EPB41L4B: variants seen among roughly 807,000 people sequenced by gnomAD.
The protein encoded by EPB41L4B is erythrocyte membrane protein band 4.1 like 4B.
Under a neutral mutation model 112.5 loss-of-function variants are expected in EPB41L4B, and 30 were observed. That is an observed-to-expected ratio of 0.27 (90% CI 0.20 to 0.36). The LOEUF is 0.36. Ranked by LOEUF, EPB41L4B falls within the 10% of genes least tolerant of loss-of-function variation. The pLI, the probability that EPB41L4B is intolerant of heterozygous loss-of-function variation, is 1.00. For missense variants in EPB41L4B, 1,024 were observed against 1,133.3 expected (o/e 0.90, Z 1.38); for synonymous variants, 408 against 439.7 (o/e 0.93, Z 0.90).
intron 1 of EPB41L4B, among the ~76,000 whole-genome samples, chr9:109,282,946 T>C (rs1258301379): frequency 6.6e-6 from 1 of 151,412 alleles, no homozygotes; most frequent in Non-Finnish European, 1.5e-5. Flanking sequence ...CGTCCCAAAG[T>C]GCTGGGATTA....
At chr9:109,304,403 C>T (rs1008592416) in intron 1 of EPB41L4B, among the ~76,000 whole-genome samples, 23 of 152,152 alleles carry the variant, frequency 1.5e-4, no homozygotes, top group African/African-American at 3.9e-4. Context: ...GAGCTTTAAG[C>T]GCACAATCAA....
intron 1 of EPB41L4B, among the ~76,000 whole-genome samples, chr9:109,312,522 G>A (rs948403460): frequency 2.6e-5 from 4 of 151,824 alleles, no homozygotes; most frequent in African/African-American, 4.8e-5. Context: ...CACCCCCCTC[G>A]CCCAGCTGTG....
At chr9:109,261,722 G>A (rs776571931) in intron 6 of EPB41L4B, among the ~76,000 whole-genome samples, 1 of 152,158 alleles carries the variant, frequency 6.6e-6, no homozygotes, top group Non-Finnish European at 1.5e-5. Flanking sequence ...GTGGGTGGTA[G>A]GACAGTGGGT....
intron 1 of EPB41L4B, among the ~76,000 whole-genome samples, chr9:109,305,476 G>A (rs1242033943): frequency 6.6e-6 from 1 of 151,872 alleles, no homozygotes; most frequent in Non-Finnish European, 1.5e-5. Flanking sequence ...AAATTAGCTG[G>A]GTGTGGTGGC....
intron 15 of EPB41L4B, among the ~76,000 whole-genome samples, chr9:109,224,006 G>A (rs1226806086): frequency 4.6e-5 from 7 of 151,772 alleles, no homozygotes; most frequent in African/African-American, 4.8e-5. Context: ...GTGACAGAAG[G>A]AGCCTTTATC....
chr9:109,243,672 T>C lies in EPB41L4B; in HGVS notation c.1355A>G (p.His452Arg). Residue 452 changes from histidine to arginine, a missense_variant, in exon 15 of 26, where the codon CAT (histidine) becomes CGT (arginine). Coordinates refer to ENST00000374566, the MANE Select transcript of EPB41L4B (RefSeq NM_019114.5). ...GGGCTGGCTGGGATGGATATTAGGA[T>C]GATATTGAGGCTAGAAATAAAACAC... The part of the protein sequence containing the change: ...PEVHNYQPQY[H>R]PNIHPSQPRW... 3 of 1,614,144 alleles carry C rather than the reference T, an allele frequency of 1.9e-6. No individual in the cohort carries two copies. Among genetic ancestry groups the C allele is most frequent in the East Asian group, 2.2e-5 (1 of 44,888 alleles).
chr9:109,226,607 C>CATATATATATAT (rs3081622), intron 15 of EPB41L4B, among the ~76,000 whole-genome samples: 29 of 90,826 alleles, frequency 3.2e-4, no homozygotes, highest in African/African-American at 1.1e-3. Flanking sequence ...TTGGATTTTT[C>CATATATATATAT]ATATATATAT....
chr9:109,207,475 G>A (rs770638773), intron 18 of EPB41L4B, among the ~76,000 whole-genome samples: 3 of 152,194 alleles, frequency 2.0e-5, no homozygotes, highest in Non-Finnish European at 4.4e-5. Flanking sequence ...GGGAGGCTGA[G>A]GCAGGAGGAT....
At position 109,251,463 on chromosome 9, in the gene EPB41L4B, G is replaced by T; in HGVS notation, c.1310+18C>A. ...CCTTAGAGAGGAGAGCTGTGCTCTA[G>T]AGCTCAAGGACACTCACCAGAGCTG... On this transcript the variant is annotated intron_variant, in intron 13 of 25. Coordinates refer to ENST00000374566, the MANE Select transcript of EPB41L4B (RefSeq NM_019114.5). The T allele has an allele frequency of 1.2e-6, 2 of 1,611,504 alleles. No individual in the cohort carries two copies. Among genetic ancestry groups the T allele is most frequent in the East Asian group, 2.2e-5 (1 of 44,884 alleles).
intron 1 of EPB41L4B, among the ~76,000 whole-genome samples, chr9:109,284,541 T>C (rs1836195652): frequency 6.6e-6 from 1 of 152,158 alleles, no homozygotes; most frequent in Non-Finnish European, 1.5e-5. Context: ...GCCTCCCCAG[T>C]AGCTAGGATT....
chr9:109,287,620 C>G (rs1253935107), intron 1 of EPB41L4B, among the ~76,000 whole-genome samples: 1 of 152,114 alleles, frequency 6.6e-6, no homozygotes, highest in Non-Finnish European at 1.5e-5. Context: ...TCTACCTGCC[C>G]CACATCCATC....
At chr9:109,176,215 C>T (rs561694166) in intron 25 of EPB41L4B, among the ~76,000 whole-genome samples, 4 of 152,118 alleles carry the variant, frequency 2.6e-5, no homozygotes, top group Non-Finnish European at 5.9e-5. Flanking sequence ...GAAACCTCCA[C>T]CTACTGGGTT....
chr9:109,187,064 G>A (rs78671350), intron 22 of EPB41L4B, among the ~76,000 whole-genome samples: 1 of 152,308 alleles, frequency 6.6e-6, no homozygotes, highest in African/African-American at 2.4e-5. Context: ...GACAGAGGAT[G>A]CTTGATGTTA....
chr9:109,265,091 C>T, intron 4 of EPB41L4B, 67 bp from the exon 5 acceptor site: 1 of 1,276,972 alleles, frequency 7.8e-7, no homozygotes. Flanking sequence ...CCCCAGCTTC[C>T]CACTGCAAAC....
chr9:109,299,443 T>C (rs939059413), intron 1 of EPB41L4B, among the ~76,000 whole-genome samples: 4 of 151,960 alleles, frequency 2.6e-5, no homozygotes, highest in African/African-American at 9.7e-5. Flanking sequence ...GCCTAGCTGA[T>C]TTTTTTTCCT....
intron 17 of EPB41L4B, among the ~76,000 whole-genome samples, chr9:109,212,989 C>T (rs1833237649): frequency 6.6e-6 from 1 of 152,194 alleles, no homozygotes; most frequent in African/African-American, 2.4e-5. Context: ...GTTGGAGTGC[C>T]AAGGACACTG....
At chr9:109,284,601 C>T (rs992171956) in intron 1 of EPB41L4B, among the ~76,000 whole-genome samples, 1 of 152,100 alleles carries the variant, frequency 6.6e-6, no homozygotes, top group African/African-American at 2.4e-5. Context: ...TTTGTAGAGG[C>T]GGGGTCTTGC....
At chr9:109,199,717 A>G (rs1832759105) in intron 20 of EPB41L4B, among the ~76,000 whole-genome samples, 1 of 152,124 alleles carries the variant, frequency 6.6e-6, no homozygotes, top group Admixed American at 6.6e-5. Flanking sequence ...GTTACAAAAG[A>G]CTGTGCCTTT....
chr9:109,245,133 G>A (rs1430751753), intron 14 of EPB41L4B, among the ~76,000 whole-genome samples: 5 of 152,202 alleles, frequency 3.3e-5, no homozygotes, highest in Non-Finnish European at 7.3e-5. Flanking sequence ...TGCAATCTCT[G>A]CATATTTCTC....
Sources: gnomAD v4.1 joint callset for allele counts (sites outside exome capture counted in the v4.1 genomes callset) on GRCh38, gnomAD v4.1.1 for gene constraint, MANE v1.5 for transcripts, NCBI Gene and HGNC (gene_info 2026-07-23, HGNC 2026-07-21) for gene names.